MYRIP: variants seen among roughly 807,000 people sequenced by gnomAD.
The protein encoded by MYRIP is rab effector MyRIP.
A neutral mutation model predicts 98.0 loss-of-function variants in MYRIP; 49 were observed. The ratio of observed to expected loss-of-function variants is 0.50; its 90% CI spans 0.40 to 0.63. The LOEUF is 0.63. MYRIP is among the 30% of genes least tolerant of loss of function. The pLI is 0.00. For missense variants in MYRIP, 1,004 were observed against 1,058.2 expected (o/e 0.95, Z 0.71); for synonymous variants, 404 against 409.5 (o/e 0.99, Z 0.16).
intron 3 of MYRIP, among the ~76,000 whole-genome samples, chr3:40,139,404 T>C (rs1333835277): frequency 6.6e-6 from 1 of 152,236 alleles, no homozygotes; most frequent in Non-Finnish European, 1.5e-5. Flanking sequence ...GCCCCTTTTC[T>C]GTCAGTCCCG....
intron 10 of MYRIP, among the ~76,000 whole-genome samples, chr3:40,209,460 A>C (rs1268352703): frequency 6.6e-6 from 1 of 152,180 alleles, no homozygotes; most frequent in South Asian, 2.1e-4. Flanking sequence ...TACAATTATT[A>C]GGTATCAATT....
chr3:40,127,292 T>C (rs1949543531), intron 3 of MYRIP, among the ~76,000 whole-genome samples: 1 of 152,228 alleles, frequency 6.6e-6, no homozygotes, highest in South Asian at 2.1e-4. Flanking sequence ...AGATAAATAT[T>C]ACCATCTCCA....
chr3:40,108,905 C>T (rs889336258), intron 3 of MYRIP, among the ~76,000 whole-genome samples: 26 of 152,144 alleles, frequency 1.7e-4, no homozygotes, highest in Admixed American at 1.3e-3. Flanking sequence ...AGCCCACACC[C>T]CACCACTTTC....
Position 40,189,980 on chromosome 3 carries a change from C to G in MYRIP, c.1182C>G (p.Gly394=). The stretch of plus-strand genomic sequence containing the variant: ...TGGCATCTGCCTACGATGAGATGGG[C>G]TCCGATAGCGAGGAAGACTTTGACT... ...SSVASAYDEM[G]SDSEEDFDWS... The change falls in exon 10 of 17, where the codon GGC becomes GGG. Residue 394 remains glycine, a synonymous_variant. Transcript: ENST00000302541. 1 of 1,614,098 alleles carries G rather than the reference C, an allele frequency of 6.2e-7. No homozygotes were observed. The highest frequency in any genetic ancestry group is 8.5e-7 in the Non-Finnish European group (1 of 1,180,024).
chr3:39,950,948 T>C (rs1033083891), intron 2 of MYRIP, among the ~76,000 whole-genome samples: 1 of 152,186 alleles, frequency 6.6e-6, no homozygotes, highest in Non-Finnish European at 1.5e-5. Flanking sequence ...GGTTTAGTGC[T>C]CTTTGCAGAA....
At chr3:40,156,509 GT>G (rs1458679597) in intron 4 of MYRIP, among the ~76,000 whole-genome samples, 5 of 152,124 alleles carry the variant, frequency 3.3e-5, no homozygotes, top group African/African-American at 7.2e-5. Flanking sequence ...CTTTAAAGTA[GT>G]TTTTTCCAAT....
At chr3:39,916,167 A>G (rs1944154622) in intron 2 of MYRIP, among the ~76,000 whole-genome samples, 1 of 152,090 alleles carries the variant, frequency 6.6e-6, no homozygotes, top group African/African-American at 2.4e-5. Flanking sequence ...AAGATAATAT[A>G]TATCACTCAT....
chr3:39,836,362 CAT>C (rs769470499), intron 1 of MYRIP, among the ~76,000 whole-genome samples: 3 of 152,000 alleles, frequency 2.0e-5, no homozygotes, highest in Admixed American at 6.6e-5. Flanking sequence ...ACCTTTTTTG[CAT>C]ATGTTTTTTG....
intron 2 of MYRIP, among the ~76,000 whole-genome samples, chr3:39,986,972 T>C (rs1946046198): frequency 6.6e-6 from 1 of 152,196 alleles, no homozygotes; most frequent in South Asian, 2.1e-4. Context: ...GTTAACAAGA[T>C]TCCCTGTTTC....
At chr3:40,176,529 C>G (rs1380724175) in intron 8 of MYRIP, among the ~76,000 whole-genome samples, 2 of 152,086 alleles carry the variant, frequency 1.3e-5, no homozygotes, top group Non-Finnish European at 2.9e-5. Context: ...GTGGGAGGAT[C>G]ATTTGAGGCT....
At chr3:40,020,970 G>A (rs1946978369) in intron 2 of MYRIP, among the ~76,000 whole-genome samples, 1 of 152,056 alleles carries the variant, frequency 6.6e-6, no homozygotes, top group South Asian at 2.1e-4. Flanking sequence ...TAGAAAGCAA[G>A]CAGAGTAAAG....
At chr3:39,816,637 C>T (rs763085292) in intron 1 of MYRIP, among the ~76,000 whole-genome samples, 9 of 152,066 alleles carry the variant, frequency 5.9e-5, no homozygotes, top group Non-Finnish European at 1.3e-4. Flanking sequence ...GAGGAGGAGG[C>T]TTCACTAGGG....
chr3:40,068,120 T>A (rs1029634330), intron 3 of MYRIP, among the ~76,000 whole-genome samples: 26 of 152,358 alleles, frequency 1.7e-4, no homozygotes, highest in African/African-American at 5.5e-4. Context: ...TTTGTACAGA[T>A]ATCCTTTGCT....
rs386396419 is a variant in MYRIP, at chr3:40,129,440, CAAAAAAAAAAAAAAAAAAAA to C, written c.333-21591_333-21572del. ...TGGGCGACAGAGTGAGACTCTGTCTCAAAAAAAAAAAAAAAAAAAAAAAAAAAAAAAAAAAATCATGCCAC... is the reference window on the plus strand; with the variant it reads ...TGGGCGACAGAGTGAGACTCTGTCTCAAAAAAAAAAAAAAAATCATGCCAC... On this transcript the variant is annotated intron_variant, in intron 3 of 16. Transcript: ENST00000302541. Among the ~76,000 whole-genome samples, 14 of 29,372 alleles carry C rather than the reference CAAAAAAAAAAAAAAAAAAAA, an allele frequency of 4.8e-4. 2 individuals carry two copies. The highest frequency in any genetic ancestry group is 0.031 in the Middle Eastern group (1 of 32). The allele number at this position is 29,372 out of a possible 152,430, so 19.3% of individuals were successfully genotyped here. A position where few individuals can be genotyped will look rare whatever the true frequency, so the allele number is the denominator to read the frequency against.
chr3:39,810,269 G>A (rs1235879670), intron 1 of MYRIP, among the ~76,000 whole-genome samples: 1 of 152,196 alleles, frequency 6.6e-6, no homozygotes, highest in Non-Finnish European at 1.5e-5. Flanking sequence ...TGTGCTGCGG[G>A]CGCACCGGCG....
intron 1 of MYRIP, among the ~76,000 whole-genome samples, chr3:39,864,738 A>T (rs1034298692): frequency 6.6e-6 from 1 of 152,234 alleles, no homozygotes; most frequent in African/African-American, 2.4e-5. Flanking sequence ...AGCAATTTAC[A>T]GATTTAATGC....
intron 2 of MYRIP, among the ~76,000 whole-genome samples, chr3:39,985,980 C>A (rs1030765576): frequency 6.6e-6 from 1 of 152,100 alleles, no homozygotes; most frequent in Non-Finnish European, 1.5e-5. Flanking sequence ...AACTAAAGAG[C>A]TTCTGCACAG....
At chr3:39,814,541 C>A (rs1940813769) in intron 1 of MYRIP, among the ~76,000 whole-genome samples, 2 of 152,086 alleles carry the variant, frequency 1.3e-5, no homozygotes, top group East Asian at 1.9e-4. Flanking sequence ...ACCACAGTAT[C>A]ATTTAATGAA....
At chr3:40,078,403 G>T (rs1220037308) in intron 3 of MYRIP, among the ~76,000 whole-genome samples, 2 of 152,190 alleles carry the variant, frequency 1.3e-5, no homozygotes, top group African/African-American at 2.4e-5. Flanking sequence ...CTCAAGTGCC[G>T]CCAAAGTGGG....
Sources: gnomAD v4.1 joint callset for allele counts (sites outside exome capture counted in the v4.1 genomes callset) on GRCh38, gnomAD v4.1.1 for gene constraint, MANE v1.5 for transcripts, NCBI Gene and HGNC (gene_info 2026-07-23, HGNC 2026-07-21) for gene names.